The following NLRC5 variants were observed in gnomAD, a reference collection of about 807,000 sequenced individuals.
NLRC5 encodes protein NLRC5.
In NLRC5, 114 loss-of-function variants were observed where a neutral mutation model predicts 206.9. The ratio of observed to expected loss-of-function variants is 0.55; its 90% CI spans 0.47 to 0.64. The LOEUF is 0.64. NLRC5 is among the 30% of genes least tolerant of loss of function. The probability of loss-of-function intolerance (pLI) is 0.00; values close to 1 mark genes in which losing one functional copy is unlikely to be tolerated. For missense variants in NLRC5, 2,008 were observed against 2,305.5 expected, an observed-to-expected ratio of 0.87 and a Z score of 2.64; for synonymous variants, 952 against 962.8, an observed-to-expected ratio of 0.99 and a Z score of 0.21.
At chr16:57,067,591 C>A (rs2067205581) in intron 35 of NLRC5, 121 bp downstream of exon 35, 1 of 1,351,818 alleles carries the variant, frequency 7.4e-7, no homozygotes, top group Non-Finnish European at 1.0e-6. Context: ...CACACTTGGC[C>A]AGTGGAGGGG....
In NLRC5 at chr16:57,066,560, G is replaced by C. The variant is rs753041956; in HGVS notation, c.4268G>C (p.Cys1423Ser). Residue 1423 changes from cysteine (C) to serine (S), a missense_variant, in exon 34 of 49, where the codon TGT becomes TCT. Coordinates refer to ENST00000688547, the MANE Select transcript of NLRC5 (RefSeq NM_001384950.1). ...ISISETQQQLCVQLEFPRQEE... is the reference protein window; with the variant it reads ...ISISETQQQLSVQLEFPRQEE... ...ATCTCCGAGACCCAGCAGCAGCTCT[G>C]TGTCCAGCTGGAATTTCCTCGCCAG... 1.5e-5 allele frequency: 24 copies of C among 1,614,072 alleles called. No individual in the cohort carries two copies. The highest frequency in any genetic ancestry group is 1.9e-5 in the Non-Finnish European group (23 of 1,180,018).
At chr16:57,001,768 T>A (rs1260951088) in intron 1 of NLRC5, among the ~76,000 whole-genome samples, 1 of 152,228 alleles carries the variant, frequency 6.6e-6, no homozygotes, top group Non-Finnish European at 1.5e-5. Flanking sequence ...TTATACTTTT[T>A]GTTATTTTTA....
At chr16:56,991,384 T>C (rs1315328783) in intron 1 of NLRC5, among the ~76,000 whole-genome samples, 26 of 110,594 alleles carry the variant, frequency 2.4e-4, no homozygotes, top group African/African-American at 8.5e-4. Flanking sequence ...TATTCCTTTT[T>C]TTTTTTTTTT....
At chr16:57,060,862 C>G (rs2066378498) in intron 30 of NLRC5, among the ~76,000 whole-genome samples, 1 of 152,226 alleles carries the variant, frequency 6.6e-6, no homozygotes, top group African/African-American at 2.4e-5. Context: ...TGAACTGCCC[C>G]GAGGTTCACT....
intron 20 of NLRC5, chr16:57,043,880 G>T (rs2063594270): frequency 4.3e-6 from 2 of 462,836 alleles, no homozygotes; most frequent in African/African-American, 2.5e-5. Context: ...ATAGTCCTTA[G>T]AGATTTTTTT....
chr16:57,023,781 T>C lies in NLRC5; in HGVS notation c.356-4T>C. ...CTCCTCCACCCCTTCCTTTGCTTTT[T>C]CAGGCCTGAAGCGCCCACATCAGAG... On this transcript the variant is annotated splice_polypyrimidine_tract_variant and splice_region_variant and intron_variant, in intron 4 of 48. Coordinates refer to ENST00000688547, the MANE Select transcript of NLRC5 (RefSeq NM_001384950.1). 6.2e-7 allele frequency: 1 copy of C among 1,610,288 alleles called. No individual in the cohort carries two copies. Among genetic ancestry groups the C allele is most frequent in the African/African-American group, 1.3e-5 (1 of 75,016 alleles).
At chr16:57,000,552 C>T (rs1247721376) in intron 1 of NLRC5, among the ~76,000 whole-genome samples, 1 of 152,086 alleles carries the variant, frequency 6.6e-6, no homozygotes, top group Non-Finnish European at 1.5e-5. Context: ...GGAGACACCT[C>T]TTCAACTCCT....
chr16:57,040,322 A>G (rs547712726), intron 16 of NLRC5, among the ~76,000 whole-genome samples: 1 of 152,338 alleles, frequency 6.6e-6, no homozygotes, highest in South Asian at 2.1e-4. Context: ...TGGACTACTG[A>G]AGGCTCGATT....
intron 36 of NLRC5, 94 bp downstream of exon 36, chr16:57,067,922 A>C: frequency 1.0e-6 from 1 of 991,644 alleles, no homozygotes; most frequent in Non-Finnish European, 1.6e-6. Context: ...GAGGACTCTT[A>C]CTCTGTGTCT....
intron 13 of NLRC5, 26 bp from the exon 14 acceptor site, chr16:57,036,074 A>G (rs753838897): frequency 4.4e-6 from 7 of 1,575,656 alleles, no homozygotes; most frequent in Non-Finnish European, 2.6e-6. Flanking sequence ...GCCCCACAAT[A>G]CAGTGCATTG....
chr16:57,045,755 G>C (rs2063866136), intron 21 of NLRC5, among the ~76,000 whole-genome samples: 1 of 152,258 alleles, frequency 6.6e-6, no homozygotes, highest in Admixed American at 6.5e-5. Context: ...TCCCAGAGCA[G>C]GGCAGGTGCC....
intron 1 of NLRC5, among the ~76,000 whole-genome samples, chr16:56,998,619 C>T (rs1275926955): frequency 6.6e-6 from 1 of 152,160 alleles, no homozygotes; most frequent in Non-Finnish European, 1.5e-5. Flanking sequence ...CAGCCTTGCT[C>T]CGAAATTCAT....
At chr16:57,072,972 G>T (rs187093775) in intron 38 of NLRC5, among the ~76,000 whole-genome samples, 9 of 152,246 alleles carry the variant, frequency 5.9e-5, no homozygotes, top group Admixed American at 5.9e-4. Context: ...TTTGACCACA[G>T]GGCCCTCCTG....
chr16:57,029,684 A>G, intron 8 of NLRC5, 89 bp from the exon 9 acceptor site: 1 of 1,041,536 alleles, frequency 9.6e-7, no homozygotes, highest in Middle Eastern at 2.1e-4. Context: ...TGTCTCCCAC[A>G]TGAGGGTGGC....
At chr16:57,027,157 G>C in intron 6 of NLRC5, 139 bp downstream of exon 6, 1 of 1,047,718 alleles carries the variant, frequency 9.5e-7, no homozygotes, top group Non-Finnish European at 1.3e-6. Context: ...ATGCAAGAGA[G>C]GAAGCTCCAT....
chr16:57,012,618 G>C (rs931920268), intron 1 of NLRC5, among the ~76,000 whole-genome samples: 5 of 152,188 alleles, frequency 3.3e-5, no homozygotes, highest in Admixed American at 6.5e-5. Context: ...AGGGATCTAG[G>C]TTGCGAGTTT....
intron 46 of NLRC5, among the ~76,000 whole-genome samples, chr16:57,080,481 AT>A (rs34595999): frequency 0.022 from 2,420 of 111,044 alleles, 19 homozygotes; most frequent in Middle Eastern, 0.073. Flanking sequence ...TCCTTTCAAG[AT>A]TTTTTTTTTT....
intron 19 of NLRC5, 81 bp from the exon 20 acceptor site, chr16:57,043,434 C>A: frequency 2.8e-6 from 3 of 1,056,936 alleles, no homozygotes; most frequent in Non-Finnish European, 4.5e-6. Flanking sequence ...AGGGATCCCT[C>A]CCCCGCCCTG....
intron 1 of NLRC5, among the ~76,000 whole-genome samples, chr16:56,993,842 C>T (rs572003930): frequency 4.6e-4 from 70 of 151,752 alleles, no homozygotes; most frequent in Non-Finnish European, 7.5e-4. Flanking sequence ...TATGGTTATA[C>T]TGTCATTTAA....
Sources: allele counts gnomAD v4.1 joint callset (sites outside exome capture counted in the v4.1 genomes callset), GRCh38; gene constraint gnomAD v4.1.1; transcripts MANE v1.5; gene names NCBI Gene and HGNC (gene_info 2026-07-23, HGNC 2026-07-21).